The following RNF14 variants were observed in gnomAD, a reference collection of about 807,000 sequenced individuals.
The protein encoded by RNF14 is ring finger protein 14.
A neutral mutation model predicts 52.6 loss-of-function variants in RNF14; 26 were observed. The ratio of observed to expected loss-of-function variants is 0.49; its 90% CI spans 0.36 to 0.69. The LOEUF is 0.69. RNF14 is among the 30% of genes least tolerant of loss of function. The pLI is 0.00. For synonymous variants in RNF14, 194 were observed against 202.0 expected, an observed-to-expected ratio of 0.96 and a Z score of 0.34; for missense variants, 404 against 560.4, an observed-to-expected ratio of 0.72 and a Z score of 2.82.
At chr5:141,987,616 G>A in intron 8 of RNF14, 117 bp from the exon 9 acceptor site, 1 of 979,350 alleles carries the variant, frequency 1.0e-6, no homozygotes, top group Non-Finnish European at 1.6e-6. Context: ...AATGATTAAA[G>A]GAGAAGAAAA....
chr5:141,954,513 T>G (rs1421750613), upstream of RNF14, among the ~76,000 whole-genome samples: 1 of 152,188 alleles, frequency 6.6e-6, no homozygotes, highest in Non-Finnish European at 1.5e-5. Context: ...ATGGGTGGTG[T>G]TAACATAGAC....
At chr5:141,949,637 T>C in the RNF14 span, 1 of 1,576,806 alleles carries the variant, frequency 6.3e-7, no homozygotes, top group African/African-American at 1.4e-5. Flanking sequence ...ATAGATTCAT[T>C]CATTCATGCC....
At chr5:141,967,599 A>C (rs1284588632), upstream of RNF14, among the ~76,000 whole-genome samples, 1 of 152,196 alleles carries the variant, frequency 6.6e-6, no homozygotes, top group Non-Finnish European at 1.5e-5. Context: ...CCATGAATCT[A>C]ATCCTGCCCG....
intron 2 of RNF14, among the ~76,000 whole-genome samples, chr5:141,973,241 CTT>C (rs11385874): frequency 7.1e-5 from 10 of 141,104 alleles, no homozygotes; most frequent in Admixed American, 2.8e-4. Context: ...ATTTTCTTTT[CTT>C]TTTTTTTTTT....
upstream of RNF14, chr5:141,958,265 T>C (rs752769441): frequency 7.4e-5 from 13 of 174,908 alleles, no homozygotes; most frequent in Non-Finnish European, 1.5e-4. Context: ...AAGGGAGGGC[T>C]GTGAGTTTCA....
At chr5:141,971,769 CA>C (rs1229491555) in intron 2 of RNF14, among the ~76,000 whole-genome samples, 1 of 151,508 alleles carries the variant, frequency 6.6e-6, no homozygotes, top group African/African-American at 2.4e-5. Context: ...GTGCCTCAGC[CA>C]CCGAGTAGCT....
rs758499796 is a variant in RNF14 at position 141,980,179 on chromosome 5, G to A, written c.891G>A (p.Gln297=). The change falls in exon 6 of 9, where the codon CAG becomes CAA. Residue 297 remains glutamine (Q), a synonymous_variant. Coordinates refer to ENST00000394520, the MANE Select transcript of RNF14 (RefSeq NM_004290.5). ...LFARYDRLLL[Q]SSLDLMADVV... is the part of the protein sequence containing the mutation. ...CCCGTTATGACCGCCTTCTCCTCCAGTCCTCCTTGGACCTGATGGCAGATG... is the reference window on the plus strand; with the variant it reads ...CCCGTTATGACCGCCTTCTCCTCCAATCCTCCTTGGACCTGATGGCAGATG... 6.2e-7 allele frequency: 1 copy of A among 1,614,220 alleles called. No homozygotes were observed. The highest frequency in any genetic ancestry group is 1.1e-5 in the South Asian group (1 of 91,080).
At chr5:141,958,114 C>T, upstream of RNF14, 1 of 488,722 alleles carries the variant, frequency 2.0e-6, no homozygotes, top group Non-Finnish European at 3.6e-6. Context: ...AGTTGGTCCA[C>T]TTCAGCAAAT....
intron 4 of RNF14, among the ~76,000 whole-genome samples, chr5:141,977,163 G>C (rs1211565577): frequency 6.6e-6 from 1 of 152,198 alleles, no homozygotes; most frequent in Non-Finnish European, 1.5e-5. Flanking sequence ...GGACTTGGTA[G>C]CTCACACAGC....
Position 141,984,880 on chromosome 5 carries a change from T to C in RNF14, c.1314T>C (p.Ser438=). The part of the protein sequence containing the change: ...YFCWICMGSL[S]RANPYKHFND... ...GTTGGATTTGCATGGGTTCTCTCTC[T>C]AGAGCAAACCCTTACAAACATTTCA... Residue 438 remains serine (S), a synonymous_variant, in exon 8 of 9, where the codon TCT becomes TCC. Transcript: ENST00000394520. The C allele has an allele frequency of 6.2e-7, 1 of 1,613,218 alleles. No homozygotes were observed. The highest frequency in any genetic ancestry group is 8.5e-7 in the Non-Finnish European group (1 of 1,179,174).
Position 141,978,687 on chromosome 5 carries a change from G to A in RNF14, c.691G>A (p.Glu231Lys), listed in dbSNP as rs909693868. 6.2e-7 allele frequency: 1 copy of A among 1,613,896 alleles called. No individual in the cohort carries two copies. Among genetic ancestry groups the A allele is most frequent in the Admixed American group, 1.7e-5 (1 of 59,998 alleles). Reference sequence around the variant, plus strand: ...CTGTTTCTGTGAGAAGCTGGGTAGTGAATGCATGTACTTCTTGGAGTGCAG... The same window carrying A: ...CTGTTTCTGTGAGAAGCTGGGTAGTAAATGCATGTACTTCTTGGAGTGCAG... Reference protein sequence around the residue: ...SICFCEKLGSECMYFLECRHV... With the variant: ...SICFCEKLGSKCMYFLECRHV... The change falls in exon 5 of 9, where the codon GAA becomes AAA. Residue 231 changes from glutamate (E) to lysine (K), a missense_variant. Transcript: ENST00000394520.
rs1175424587 is a variant in RNF14, at chr5:141,988,377, A to C, written c.*587A>C. 6.6e-6 allele frequency: 1 copy of C among 152,330 alleles called. No individual in the cohort carries two copies. The highest frequency in any genetic ancestry group is 1.5e-5 in the Non-Finnish European group (1 of 68,092). 9.4% of individuals were successfully genotyped at this position (152,330 alleles called of 1,614,324 possible). On this transcript the variant is annotated 3_prime_UTR_variant, in exon 9 of 9. Coordinates refer to ENST00000394520, the MANE Select transcript of RNF14 (RefSeq NM_004290.5). Reference sequence around the variant, plus strand: ...AGTGTCATTTTGATCTGCTTTTCAGAATGGAAATTTATAATATAAATATAT... The same window carrying C: ...AGTGTCATTTTGATCTGCTTTTCAGCATGGAAATTTATAATATAAATATAT...
chr5:141,980,031 C>CA lies in RNF14; in HGVS notation c.835-91dup, dbSNP rs1168031516. The CA allele has an allele frequency of 5.3e-6, 5 of 937,540 alleles. No individual in the cohort carries two copies. In the South Asian group the frequency reaches 5.6e-5, roughly 10 times the overall value. The allele number at this position is 937,540 out of a possible 1,614,324, so 58.1% of individuals were successfully genotyped here. A position where few individuals can be genotyped will look rare whatever the true frequency, so the allele number is the denominator to read the frequency against. On this transcript the variant is annotated intron_variant, in intron 5 of 8. Coordinates refer to ENST00000394520, the MANE Select transcript of RNF14 (RefSeq NM_004290.5). ...AAAGAGAGGTTTTAATTTATGTGCC[C>CA]ATCTGGTTTACACTAGCATCCTAAG...
At chr5:141,974,410 C>T (rs895519542) in intron 3 of RNF14, among the ~76,000 whole-genome samples, 1 of 152,160 alleles carries the variant, frequency 6.6e-6, no homozygotes, top group Non-Finnish European at 1.5e-5. Flanking sequence ...CTAAGTGGGA[C>T]ATGCTGGTCT....
chr5:141,983,588 C>T, intron 7 of RNF14, 36 bp downstream of exon 7: 3 of 1,565,496 alleles, frequency 1.9e-6, no homozygotes, highest in Non-Finnish European at 2.6e-6. Flanking sequence ...GGCCATCAGA[C>T]TTGCAAGGAT....
upstream of RNF14, chr5:141,956,427 G>A (rs367840034): frequency 9.3e-6 from 15 of 1,614,130 alleles, no homozygotes; most frequent in African/African-American, 1.6e-4. Context: ...GGTGAAGAGA[G>A]GGTAAGTTGT....
chr5:141,952,435 A>G, the RNF14 span: 1 of 152,220 alleles, frequency 6.6e-6, no homozygotes, highest in African/African-American at 2.4e-5. Flanking sequence ...GCTCCATAGG[A>G]GTTTGGCAAG....
intron 7 of RNF14, among the ~76,000 whole-genome samples, chr5:141,984,006 A>G: frequency 6.6e-6 from 1 of 152,200 alleles, no homozygotes; most frequent in East Asian, 1.9e-4. Context: ...TAAAATCAAA[A>G]TACATCTTAG....
chr5:141,980,048 C>A, intron 5 of RNF14, 75 bp from the exon 6 acceptor site: 3 of 1,164,166 alleles, frequency 2.6e-6, no homozygotes, highest in African/African-American at 1.5e-5. Flanking sequence ...TTTACACTAG[C>A]ATCCTAAGAA....
Sources: gnomAD v4.1 joint callset for allele counts (sites outside exome capture counted in the v4.1 genomes callset) on GRCh38, gnomAD v4.1.1 for gene constraint, MANE v1.5 for transcripts, NCBI Gene and HGNC (gene_info 2026-07-23, HGNC 2026-07-21) for gene names.